The following KIAA1755 variants were observed in gnomAD, a reference collection of about 807,000 sequenced individuals.
KIAA1755 encodes uncharacterized protein KIAA1755.
Under a neutral mutation model 91.7 loss-of-function variants are expected in KIAA1755, and 68 were observed. The ratio of observed to expected loss-of-function variants is 0.74; its 90% CI spans 0.61 to 0.91. KIAA1755 has a LOEUF of 0.91. KIAA1755 is among the 40% of genes least tolerant of loss of function. The probability of loss-of-function intolerance (pLI) is 0.00; values close to 1 mark genes in which losing one functional copy is unlikely to be tolerated. For missense variants in KIAA1755, 1,535 were observed against 1,494.4 expected (o/e 1.03, Z -0.45); for synonymous variants, 610 against 604.6 (o/e 1.01, Z -0.13).
At chr20:38,245,795 T>C in intron 2 of KIAA1755, 134 bp downstream of exon 2, 1 of 757,342 alleles carries the variant, frequency 1.3e-6, no homozygotes, top group Non-Finnish European at 2.2e-6. Context: ...GCAATGATAC[T>C]TGGAAAGTCC....
chr20:38,248,037 G>C (rs2076186919), intron 1 of KIAA1755, among the ~76,000 whole-genome samples: 1 of 152,138 alleles, frequency 6.6e-6, no homozygotes, highest in Non-Finnish European at 1.5e-5. Context: ...AGGCCAGCCT[G>C]GCCAACATAG....
chr20:38,248,430 T>C (rs1447406803), intron 1 of KIAA1755, among the ~76,000 whole-genome samples: 1 of 152,208 alleles, frequency 6.6e-6, no homozygotes, highest in East Asian at 1.9e-4. Flanking sequence ...CCCAGTGAAA[T>C]GCATGTCAGG....
chr20:38,259,323 C>A (rs1362436030), intron 1 of KIAA1755, among the ~76,000 whole-genome samples: 1 of 151,992 alleles, frequency 6.6e-6, no homozygotes, highest in Non-Finnish European at 1.5e-5. Context: ...GGTGTGTATG[C>A]CAATGTATGC....
At chr20:38,244,261 G>C (rs2123261062) in intron 2 of KIAA1755, among the ~76,000 whole-genome samples, 1 of 152,336 alleles carries the variant, frequency 6.6e-6, no homozygotes, top group East Asian at 1.9e-4. Flanking sequence ...ATGAAATAGT[G>C]TCATGTGGAA....
intron 1 of KIAA1755, among the ~76,000 whole-genome samples, chr20:38,247,236 C>G (rs940641019): frequency 6.6e-6 from 1 of 152,220 alleles, no homozygotes; most frequent in Admixed American, 6.5e-5. Flanking sequence ...CCACCGTCTT[C>G]AGGAAGCATC....
At chr20:38,216,584 C>T (rs1310555617) in intron 13 of KIAA1755, among the ~76,000 whole-genome samples, 1 of 152,224 alleles carries the variant, frequency 6.6e-6, no homozygotes, top group Non-Finnish European at 1.5e-5. Context: ...CCTTTGTCCC[C>T]ACAGACCTCA....
At chr20:38,221,038 A>T (rs910517221) in intron 10 of KIAA1755, among the ~76,000 whole-genome samples, 2 of 152,230 alleles carry the variant, frequency 1.3e-5, no homozygotes, top group Non-Finnish European at 2.9e-5. Context: ...AAGATGGAAG[A>T]AAAGCTTTTG....
chr20:38,230,369 C>G (rs908587988), intron 5 of KIAA1755, among the ~76,000 whole-genome samples: 9 of 152,188 alleles, frequency 5.9e-5, no homozygotes, highest in African/African-American at 1.4e-4. Context: ...CTCAGGGAAG[C>G]CTTCCCTGAT....
chr20:38,213,152 TGGGG>T lies in KIAA1755; in HGVS notation c.3489_3492del (p.Pro1164GlyfsTer38), dbSNP rs772495335. On this transcript the variant is annotated frameshift_variant, in exon 14 of 14. Coordinates refer to ENST00000279024, the MANE Select transcript of KIAA1755 (RefSeq NM_001029864.2). LOFTEE classifies it high-confidence loss of function. Reference sequence around the variant, plus strand: ...GTGAGGCGAGGGACCTGGCTCTGCCTGGGGGGCTGCTGCCGGAAGAAGGTGGTGG... The same window carrying T: ...GTGAGGCGAGGGACCTGGCTCTGCCTGGCTGCTGCCGGAAGAAGGTGGTGG... 20 of 1,613,400 alleles carry T rather than the reference TGGGG, an allele frequency of 1.2e-5. No homozygotes were observed. The South Asian group carries it at 2.0e-4, about 16-fold the overall frequency.
intron 9 of KIAA1755, chr20:38,222,842 C>T: frequency 1.7e-6 from 1 of 583,376 alleles, no homozygotes. Flanking sequence ...TCGCTGATCT[C>T]CCTGCTGCCC....
intron 12 of KIAA1755, chr20:38,217,982 T>C (rs2075582032): frequency 2.0e-6 from 1 of 506,348 alleles, no homozygotes; most frequent in Non-Finnish European, 3.5e-6. Context: ...GCTGAGTTAT[T>C]AGGTCTAGGA....
In KIAA1755 at chr20:38,217,077, G is replaced by C; in HGVS notation, c.2901+176C>G. ...CTGTCCCTGCTGTGCCCCCAGCCAG[G>C]GGATGGGGGTGGTGTCTGTGCAAGT... On this transcript the variant is annotated intron_variant, in intron 13 of 13. Transcript: ENST00000279024. 4 of 642,686 alleles carry C rather than the reference G, an allele frequency of 6.2e-6. No homozygotes were observed. The South Asian group carries it at 7.2e-5, about 12-fold the overall frequency. 39.8% of individuals were successfully genotyped at this position (642,686 alleles called of 1,614,324 possible).
intron 12 of KIAA1755, 142 bp from the exon 13 acceptor site, chr20:38,217,616 C>T: frequency 1.6e-6 from 1 of 615,746 alleles, no homozygotes; most frequent in South Asian, 1.9e-5. Flanking sequence ...AATGGGGACC[C>T]TAATAGCACC....
At chr20:38,217,708 C>T (rs2075575702) in intron 12 of KIAA1755, 1 of 576,272 alleles carries the variant, frequency 1.7e-6, no homozygotes, top group Non-Finnish European at 3.1e-6. Flanking sequence ...AGGCCCTCGC[C>T]ATGGCAGTTC....
At position 38,213,270 on chromosome 20, in the gene KIAA1755, A is replaced by G; in HGVS notation, c.3375T>C (p.Ser1125=). 1 of 1,613,636 alleles carries G rather than the reference A, an allele frequency of 6.2e-7. No homozygotes were observed. Among genetic ancestry groups the G allele is most frequent in the Non-Finnish European group, 8.5e-7 (1 of 1,179,978 alleles). The change falls in exon 14 of 14, where the codon TCT becomes TCC. Residue 1125 remains serine, a synonymous_variant. Transcript: ENST00000279024. ...GEQNRTFQAG[S]PPQEAGQAAE... Reference sequence around the variant, plus strand: ...CAGCCTGGCCAGCTTCCTGGGGTGGAGAGCCTGCCTGGAAAGTTCTGTTCT... The same window carrying G: ...CAGCCTGGCCAGCTTCCTGGGGTGGGGAGCCTGCCTGGAAAGTTCTGTTCT...
At chr20:38,244,493 G>C (rs1446126835) in intron 2 of KIAA1755, among the ~76,000 whole-genome samples, 1 of 152,196 alleles carries the variant, frequency 6.6e-6, no homozygotes, top group Non-Finnish European at 1.5e-5. Context: ...CTTCTGATGA[G>C]CTGTGTCCCT....
chr20:38,221,631 C>T (rs1229201262), intron 10 of KIAA1755, among the ~76,000 whole-genome samples: 1 of 152,126 alleles, frequency 6.6e-6, no homozygotes, highest in Non-Finnish European at 1.5e-5. Flanking sequence ...GCAGCTACCT[C>T]GGAGTGAATT....
chr20:38,248,765 C>A (rs868178664), intron 1 of KIAA1755, among the ~76,000 whole-genome samples: 18 of 151,620 alleles, frequency 1.2e-4, no homozygotes, highest in Admixed American at 2.0e-4. Context: ...GTGTTCCGAT[C>A]TCTGCTTGCT....
intron 7 of KIAA1755, 121 bp downstream of exon 7, chr20:38,227,033 A>G: frequency 1.5e-6 from 1 of 660,552 alleles, no homozygotes; most frequent in Non-Finnish European, 2.6e-6. Flanking sequence ...ATTGCCTTAC[A>G]CTAGATTACC....
Sources: allele counts gnomAD v4.1 joint callset (sites outside exome capture counted in the v4.1 genomes callset), GRCh38; gene constraint gnomAD v4.1.1; transcripts MANE v1.5; gene names NCBI Gene and HGNC (gene_info 2026-07-23, HGNC 2026-07-21).